Variants in RIMS1 observed in about 807,000 individuals in gnomAD.
RIMS1 encodes the protein regulating synaptic membrane exocytosis 1.
Under a neutral mutation model 214.1 loss-of-function variants are expected in RIMS1, and 83 were observed. The ratio of observed to expected loss-of-function variants is 0.39; its 90% CI spans 0.32 to 0.47. The LOEUF (loss-of-function observed/expected upper bound fraction) is 0.47. Among genes scored for constraint, RIMS1 ranks in the 20% least tolerant of loss-of-function variants. The pLI is 0.99. For synonymous variants in RIMS1, 793 were observed against 786.8 expected, an observed-to-expected ratio of 1.01 and a Z score of -0.13; for missense variants, 2,050 against 2,161.8, an observed-to-expected ratio of 0.95 and a Z score of 1.03.
intron 26 of RIMS1, among the ~76,000 whole-genome samples, chr6:72,306,136 C>T (rs1242332372): frequency 2.6e-5 from 4 of 151,986 alleles, no homozygotes; most frequent in Non-Finnish European, 5.9e-5. Context: ...AATCAGCAGC[C>T]AAGTCAATCA....
chr6:72,332,228 A>C (rs1308796718), intron 28 of RIMS1, among the ~76,000 whole-genome samples: 1 of 151,846 alleles, frequency 6.6e-6, no homozygotes, highest in Non-Finnish European at 1.5e-5. Flanking sequence ...AAAATGAAGA[A>C]GATCAAAATG....
chr6:72,057,562 C>A (rs1056315877), intron 2 of RIMS1, among the ~76,000 whole-genome samples: 2 of 145,314 alleles, frequency 1.4e-5, no homozygotes, highest in Admixed American at 1.4e-4. Flanking sequence ...GGCTGGAGTG[C>A]AGTGGCGCCA....
At chr6:72,054,680 A>T (rs757508916) in intron 2 of RIMS1, among the ~76,000 whole-genome samples, 8 of 152,284 alleles carry the variant, frequency 5.3e-5, no homozygotes, top group Admixed American at 1.3e-4. Context: ...GAGATCAGTG[A>T]TAATGAGCTT....
At chr6:72,114,360 C>A (rs948957147) in intron 4 of RIMS1, among the ~76,000 whole-genome samples, 2 of 151,714 alleles carry the variant, frequency 1.3e-5, no homozygotes, top group Non-Finnish European at 2.9e-5. Context: ...AAAGTGAGGC[C>A]AGAGAAGTTT....
At chr6:72,106,140 T>C (rs1051643959) in intron 4 of RIMS1, among the ~76,000 whole-genome samples, 2 of 152,214 alleles carry the variant, frequency 1.3e-5, no homozygotes, top group Admixed American at 1.3e-4. Flanking sequence ...TATGTATATA[T>C]GCAATAGTTT....
chr6:71,941,403 T>A (rs956752335), intron 1 of RIMS1, among the ~76,000 whole-genome samples: 3 of 152,230 alleles, frequency 2.0e-5, no homozygotes, highest in Non-Finnish European at 4.4e-5. Flanking sequence ...CCTGCCTTTT[T>A]ACATAGAAGT....
intron 2 of RIMS1, among the ~76,000 whole-genome samples, chr6:72,055,020 T>C (rs1825786500): frequency 6.6e-6 from 1 of 152,200 alleles, no homozygotes; most frequent in Non-Finnish European, 1.5e-5. Flanking sequence ...CTGAATGGTA[T>C]TGCCTAGGTT....
At chr6:72,097,676 A>T (rs1284748583) in intron 3 of RIMS1, among the ~76,000 whole-genome samples, 3 of 152,146 alleles carry the variant, frequency 2.0e-5, no homozygotes, top group Admixed American at 6.5e-5. Context: ...CATGGAAATT[A>T]TTTAGATATT....
intron 2 of RIMS1, among the ~76,000 whole-genome samples, chr6:71,987,936 A>G (rs1800502590): frequency 6.6e-6 from 1 of 152,150 alleles, no homozygotes. Flanking sequence ...AGGCATTTGC[A>G]TTTGAACAGT....
intron 9 of RIMS1, among the ~76,000 whole-genome samples, chr6:72,240,051 A>G (rs999553870): frequency 7.2e-5 from 11 of 152,150 alleles, no homozygotes; most frequent in African/African-American, 2.2e-4. Context: ...ATGAACTTCT[A>G]TTGTTGCATA....
chr6:71,891,287 A>G (rs1225849624), intron 1 of RIMS1, among the ~76,000 whole-genome samples: 1 of 152,232 alleles, frequency 6.6e-6, no homozygotes, highest in Non-Finnish European at 1.5e-5. Flanking sequence ...TTGAGATTGT[A>G]TGAAGTTTCA....
chr6:72,350,063 T>A (rs2097392263), intron 29 of RIMS1, among the ~76,000 whole-genome samples: 1 of 152,256 alleles, frequency 6.6e-6, no homozygotes, highest in East Asian at 1.9e-4. Context: ...CTTTCTATAA[T>A]GCTTAATAAT....
intron 6 of RIMS1, among the ~76,000 whole-genome samples, chr6:72,212,011 G>T (rs921502707): frequency 2.0e-5 from 3 of 152,016 alleles, no homozygotes; most frequent in African/African-American, 4.8e-5. Context: ...TGAAGCATAT[G>T]AATATTATTT....
intron 2 of RIMS1, among the ~76,000 whole-genome samples, chr6:72,057,512 T>TC (rs1826582832): frequency 6.7e-6 from 1 of 148,402 alleles, no homozygotes; most frequent in African/African-American, 2.5e-5. Context: ...TTTTTTTTTT[T>TC]TTTTTCTTTT....
Position 72,250,465 on chromosome 6 carries a change from T to C in RIMS1, c.2372+5T>C. The C allele has an allele frequency of 6.5e-7, 1 of 1,546,696 alleles. No individual in the cohort carries two copies. Among genetic ancestry groups the C allele is most frequent in the South Asian group, 1.2e-5 (1 of 82,514 alleles). On this transcript the variant is annotated splice_donor_5th_base_variant and intron_variant, in intron 13 of 33. Coordinates refer to ENST00000521978, the MANE Select transcript of RIMS1 (RefSeq NM_014989.7). ...GTATTTTCTTCCAGATAGAAGGTAGTGAATAATTTTAGAAAAAAAAAATCT... is the reference window on the plus strand; with the variant it reads ...GTATTTTCTTCCAGATAGAAGGTAGCGAATAATTTTAGAAAAAAAAAATCT...
intron 9 of RIMS1, among the ~76,000 whole-genome samples, chr6:72,240,428 GGTAA>G (rs2066239859): frequency 6.7e-6 from 1 of 149,958 alleles, no homozygotes; most frequent in African/African-American, 2.5e-5. Context: ...GAAAAATCAG[GGTAA>G]GTATTGTTTC....
At chr6:72,355,317 A>C (rs946992730) in intron 29 of RIMS1, among the ~76,000 whole-genome samples, 27 of 152,302 alleles carry the variant, frequency 1.8e-4, no homozygotes, top group Non-Finnish European at 1.2e-4. Flanking sequence ...ACCCTTAAAA[A>C]ATAGTTTATT....
intron 4 of RIMS1, among the ~76,000 whole-genome samples, chr6:72,167,805 T>C (rs964801028): frequency 6.6e-5 from 10 of 152,062 alleles, no homozygotes; most frequent in African/African-American, 2.4e-4. Flanking sequence ...AATTATATTT[T>C]CTGTTATTTT....
Position 72,182,450 on chromosome 6 carries a change from T to C in RIMS1, c.979T>C (p.Tyr327His). ...GCTTGAGAAAGGGCGATCACAGGATTACCCAGACACGCCGGAAAAACGGGA... is the reference window on the plus strand; with the variant it reads ...GCTTGAGAAAGGGCGATCACAGGATCACCCAGACACGCCGGAAAAACGGGA... ...RRLEKGRSQD[Y>H]PDTPEKRDEG... Residue 327 changes from tyrosine to histidine, a missense_variant, in exon 6 of 34, where the codon TAC becomes CAC. Around this residue, in one of 6 missense-constraint regions of RIMS1, gnomAD observed 882 missense variants for 828.9 expected, o/e 1.06. Coordinates refer to ENST00000521978, the MANE Select transcript of RIMS1 (RefSeq NM_014989.7). 1 of 1,613,764 alleles carries C rather than the reference T, an allele frequency of 6.2e-7. No individual in the cohort carries two copies. The highest frequency in any genetic ancestry group is 8.5e-7 in the Non-Finnish European group (1 of 1,179,794).
Sources: gnomAD v4.1 joint callset for allele counts (sites outside exome capture counted in the v4.1 genomes callset) on GRCh38, gnomAD v4.1.1 for gene constraint, gnomAD v4.1.1 regional missense constraint, MANE v1.5 for transcripts, NCBI Gene and HGNC (gene_info 2026-07-23, HGNC 2026-07-21) for gene names.